Variants in XPO6 observed in about 807,000 individuals in gnomAD.
XPO6 encodes the protein exportin-6.
XPO6 carries 3 observed loss-of-function variants against 130.0 expected under a neutral mutation model. The ratio of observed to expected loss-of-function variants is 0.02; its 90% CI spans 0.01 to 0.06. The LOEUF (loss-of-function observed/expected upper bound fraction) is 0.06. XPO6 is among the 10% of genes least tolerant of loss of function. XPO6 has a pLI of 1.00. For synonymous variants in XPO6, 524 were observed against 548.9 expected (o/e 0.95, Z 0.63); for missense variants, 970 against 1,393.0 (o/e 0.70, Z 4.83).
chr16:28,111,671 C>G (rs962906335), intron 17 of XPO6, 146 bp downstream of exon 17: 8 of 801,484 alleles, frequency 1.0e-5, no homozygotes, highest in African/African-American at 3.5e-5. Context: ...GGATCCCACC[C>G]CCAAGTATGA....
intron 17 of XPO6, chr16:28,111,599 AG>A: frequency 2.1e-6 from 1 of 479,942 alleles, no homozygotes; most frequent in East Asian, 3.3e-5. Context: ...AAATAAGAGA[AG>A]GGACAGTTTG....
intron 1 of XPO6, among the ~76,000 whole-genome samples, chr16:28,207,704 C>G (rs549717066): frequency 6.6e-6 from 1 of 152,154 alleles, no homozygotes; most frequent in Non-Finnish European, 1.5e-5. Context: ...GCACAGGCTC[C>G]GGAGTACAGC....
At position 28,117,308 on chromosome 16, in the gene XPO6, G is replaced by A; in HGVS notation, c.2004+10C>T. On this transcript the variant is annotated intron_variant, in intron 15 of 23. Coordinates refer to ENST00000304658, the MANE Select transcript of XPO6 (RefSeq NM_015171.4). ...TTAGATAAAAGGTGTAGGCTTTGCT[G>A]TTTCGAGACCTTGGTGCTGATTAGA... 6.2e-7 allele frequency: 1 copy of A among 1,613,630 alleles called. No homozygotes were observed. Among genetic ancestry groups the A allele is most frequent in the South Asian group, 1.1e-5 (1 of 91,054 alleles).
intron 2 of XPO6, among the ~76,000 whole-genome samples, chr16:28,177,598 T>C (rs911255702): frequency 4.6e-5 from 7 of 152,296 alleles, no homozygotes; most frequent in African/African-American, 1.2e-4. Flanking sequence ...CTTTCACTGC[T>C]AAAGTTCTTA....
At chr16:28,179,533 G>C (rs980323461) in intron 2 of XPO6, among the ~76,000 whole-genome samples, 1 of 152,182 alleles carries the variant, frequency 6.6e-6, no homozygotes, top group South Asian at 2.1e-4. Flanking sequence ...CTGACCCCAG[G>C]TGAGTCACTG....
intron 16 of XPO6, 118 bp from the exon 17 acceptor site, chr16:28,112,124 C>G: frequency 8.2e-7 from 1 of 1,225,410 alleles, no homozygotes. Context: ...CCCCCAGGCT[C>G]GTTTCTTGCA....
chr16:28,156,337 T>G lies in XPO6; in HGVS notation c.834A>C (p.Ala278=). 6.2e-7 allele frequency: 1 copy of G among 1,613,606 alleles called. No individual in the cohort carries two copies. The highest frequency in any genetic ancestry group is 8.5e-7 in the Non-Finnish European group (1 of 1,179,942). The change falls in exon 7 of 24, where the codon GCA becomes GCC. Residue 278 remains alanine, a synonymous_variant. Coordinates refer to ENST00000304658, the MANE Select transcript of XPO6 (RefSeq NM_015171.4). Reference sequence around the variant, plus strand: ...TGGCCCGGATGTCACAGCCAAATCGTGCAAAGTGGAAGATGGTGGTAAGGA... The same window carrying G: ...TGGCCCGGATGTCACAGCCAAATCGGGCAAAGTGGAAGATGGTGGTAAGGA... The part of the protein sequence containing the change: ...PSLLTTIFHF[A]RFGCDIRARK...
intron 1 of XPO6, among the ~76,000 whole-genome samples, chr16:28,184,884 T>G (rs1021690944): frequency 6.6e-6 from 1 of 152,118 alleles, no homozygotes; most frequent in African/African-American, 2.4e-5. Context: ...CAGCTAAACA[T>G]ATGCATATCT....
At chr16:28,140,579 G>A (rs2042871593) in intron 9 of XPO6, among the ~76,000 whole-genome samples, 1 of 151,816 alleles carries the variant, frequency 6.6e-6, no homozygotes, top group Admixed American at 6.6e-5. Context: ...TCGGGAGGCT[G>A]GGGCAGGAGA....
chr16:28,106,261 G>A lies in XPO6; in HGVS notation c.2613-47C>T. 1 of 1,608,530 alleles carries A rather than the reference G, an allele frequency of 6.2e-7. No homozygotes were observed. The highest frequency in any genetic ancestry group is 1.3e-5 in the African/African-American group (1 of 74,874). On this transcript the variant is annotated intron_variant, in intron 19 of 23. Transcript: ENST00000304658. The surrounding 1 kb of genome is among the most constrained non-coding windows in gnomAD (Gnocchi z 4.2). Reference sequence around the variant, plus strand: ...AGTGAGCAACCACATGTTTCTCTGGGGGCCAGCATGAAAACCCATGCTGTG... The same window carrying A: ...AGTGAGCAACCACATGTTTCTCTGGAGGCCAGCATGAAAACCCATGCTGTG...
intron 5 of XPO6, 44 bp downstream of exon 5, chr16:28,169,706 C>T (rs1040626321): frequency 6.2e-7 from 1 of 1,603,580 alleles, no homozygotes. Flanking sequence ...ACTCTGGGTG[C>T]CTGCGGGCAG....
intron 1 of XPO6, among the ~76,000 whole-genome samples, chr16:28,211,020 C>T (rs996853871): frequency 1.3e-5 from 2 of 152,222 alleles, no homozygotes; most frequent in Non-Finnish European, 2.9e-5. Context: ...CTGGTGTGAT[C>T]ATTAAATACT....
intron 15 of XPO6, among the ~76,000 whole-genome samples, chr16:28,115,515 T>C (rs185369105): frequency 0.011 from 1,740 of 152,342 alleles, 18 homozygotes; most frequent in Non-Finnish European, 0.019. Context: ...CAGTAAACCA[T>C]GATGTAAACA....
chr16:28,160,337 C>G (rs1306736564), intron 6 of XPO6, among the ~76,000 whole-genome samples: 1 of 151,398 alleles, frequency 6.6e-6, no homozygotes, highest in Admixed American at 6.6e-5. Flanking sequence ...AACCCCATCT[C>G]TACTAAAAAT....
At chr16:28,104,792 G>A (rs1010371761) in intron 20 of XPO6, 85 bp from the exon 21 acceptor site, 36 of 1,488,058 alleles carry the variant, frequency 2.4e-5, no homozygotes, top group South Asian at 9.7e-5. Context: ...CCTAGGAGAC[G>A]CCTCGTGACA....
chr16:28,187,515 G>T (rs886120840), intron 1 of XPO6, among the ~76,000 whole-genome samples: 1 of 151,794 alleles, frequency 6.6e-6, no homozygotes, highest in Non-Finnish European at 1.5e-5. Context: ...CACAAGTGGG[G>T]ACAGTAAAAG....
intron 9 of XPO6, 67 bp downstream of exon 9, chr16:28,146,026 TG>T: frequency 8.2e-7 from 1 of 1,213,622 alleles, no homozygotes; most frequent in East Asian, 2.3e-5. Context: ...AATGCATGGC[TG>T]TCTCTTAGGC....
intron 12 of XPO6, among the ~76,000 whole-genome samples, chr16:28,129,541 G>A (rs1039066834): frequency 1.3e-5 from 2 of 152,180 alleles, no homozygotes; most frequent in African/African-American, 4.8e-5. Context: ...TTCTAAAGCT[G>A]TCTAGGTATG....
chr16:28,190,165 A>G (rs2043762373), intron 1 of XPO6, among the ~76,000 whole-genome samples: 1 of 152,152 alleles, frequency 6.6e-6, no homozygotes. Context: ...TGGAGAATGC[A>G]TAAAAACAAG....
Sources: gnomAD v4.1 joint callset for allele counts (sites outside exome capture counted in the v4.1 genomes callset) on GRCh38, gnomAD v4.1.1 for gene constraint, Gnocchi (gnomAD v3.1) non-coding constraint, MANE v1.5 for transcripts, NCBI Gene and HGNC (gene_info 2026-07-23, HGNC 2026-07-21) for gene names.